Variants in LY75 observed in about 807,000 individuals in gnomAD.
The protein encoded by LY75 is C-type lectin domain family 13 member B.
LY75 carries 185 observed loss-of-function variants against 231.7 expected under a neutral mutation model. The observed-to-expected ratio is 0.80, with a 90% CI of 0.71 to 0.90. The LOEUF (loss-of-function observed/expected upper bound fraction) is 0.90, where lower values mean the gene tolerates loss of function less well. LY75 is among the 40% of genes least tolerant of loss of function. The probability of loss-of-function intolerance (pLI) is 0.00; values close to 1 mark genes in which losing one functional copy is unlikely to be tolerated. For synonymous variants in LY75, 668 were observed against 689.0 expected, an observed-to-expected ratio of 0.97 and a Z score of 0.48; for missense variants, 1,947 against 2,050.2, an observed-to-expected ratio of 0.95 and a Z score of 0.97.
At chr2:159,841,042 A>G in intron 24 of LY75, 87 bp from the exon 25 acceptor site, 1 of 1,540,522 alleles carries the variant, frequency 6.5e-7, no homozygotes, top group Non-Finnish European at 8.7e-7. Context: ...TTCTCCCCAT[A>G]CTAATCTAAT....
intron 2 of LY75, among the ~76,000 whole-genome samples, chr2:159,897,376 A>G (rs761841781): frequency 6.6e-6 from 1 of 152,238 alleles, no homozygotes; most frequent in Non-Finnish European, 1.5e-5. Flanking sequence ...TAAATTTGCC[A>G]TTAAGTCATA....
chr2:159,856,779 T>A (rs1279238145), intron 16 of LY75, among the ~76,000 whole-genome samples: 1 of 152,034 alleles, frequency 6.6e-6, no homozygotes, highest in Non-Finnish European at 1.5e-5. Flanking sequence ...TTCTCTCTTG[T>A]TAAAAAATAT....
chr2:159,859,000 T>C (rs1356610096), intron 15 of LY75, among the ~76,000 whole-genome samples: 1 of 152,190 alleles, frequency 6.6e-6, no homozygotes, highest in East Asian at 1.9e-4. Context: ...TAAGACCAAG[T>C]TTCTGGGGGT....
intron 30 of LY75, among the ~76,000 whole-genome samples, chr2:159,815,792 TACAG>T (rs1560063176): frequency 2.0e-5 from 3 of 152,202 alleles, no homozygotes; most frequent in Admixed American, 6.5e-5. Flanking sequence ...ACTTTAAACT[TACAG>T]ACAGAGTTAC....
rs183744655 is a variant in LY75, at chr2:159,842,020, C to A, written c.3280+225G>T. The stretch of plus-strand genomic sequence containing the variant: ...ATATGATTATAAATTAATATAAATT[C>A]TTTTATAGTATTAAAAAATTTTTTC... On this transcript the variant is annotated intron_variant, in intron 24 of 34. Transcript: ENST00000263636. Among the ~76,000 whole-genome samples, 867 of 151,982 alleles carry A rather than the reference C, an allele frequency of 5.7e-3. 10 individuals carry two copies. Among genetic ancestry groups the A allele is most frequent in the African/African-American group, 0.02 (837 of 41,444 alleles).
At chr2:159,815,243 C>T (rs1052829082) in intron 31 of LY75, among the ~76,000 whole-genome samples, 162 bp downstream of exon 31, 1 of 152,158 alleles carries the variant, frequency 6.6e-6, no homozygotes, top group Non-Finnish European at 1.5e-5. Flanking sequence ...CCTCGTGATC[C>T]GCACGCCTCG....
At chr2:159,887,626 A>C (rs187392927) in intron 4 of LY75, among the ~76,000 whole-genome samples, 1 of 151,982 alleles carries the variant, frequency 6.6e-6, no homozygotes, top group Non-Finnish European at 1.5e-5. Context: ...TTAGAGGTTA[A>C]AACACAGTTT....
rs143729039 is a variant in LY75, at chr2:159,810,526, C to T, written c.4699G>A (p.Asp1567Asn). The change falls in exon 32 of 35, where the codon GAT (aspartate) becomes AAT (asparagine). Residue 1567 changes from aspartate to asparagine, a missense_variant and splice_region_variant. Transcript: ENST00000263636. The stretch of plus-strand genomic sequence containing the variant: ...AGAAAATCAACAAATTTTAACTCAC[C>T]ATGTTTTGAACACAATTTTTTGGCC... ...SEAKKLCSKHDHSATIVSIKD... is the reference protein window; with the variant it reads ...SEAKKLCSKHNHSATIVSIKD... 2.7e-5 allele frequency: 44 copies of T among 1,606,466 alleles called. No homozygotes were observed. The highest frequency in any genetic ancestry group is 6.9e-5 in the Admixed American group (4 of 58,266).
chr2:159,877,019 A>AG (rs1318178057), intron 11 of LY75, among the ~76,000 whole-genome samples: 1 of 141,748 alleles, frequency 7.1e-6, no homozygotes, highest in East Asian at 1.9e-4. Flanking sequence ...CAAAAAAAAA[A>AG]AAAAAAAAAA....
At chr2:159,822,175 G>T (rs892707945) in intron 28 of LY75, among the ~76,000 whole-genome samples, 1 of 152,174 alleles carries the variant, frequency 6.6e-6, no homozygotes, top group African/African-American at 2.4e-5. Context: ...TGGAATGCCG[G>T]TGAGACAGAA....
chr2:159,810,161 G>A (rs898727343), intron 32 of LY75, among the ~76,000 whole-genome samples: 2 of 152,178 alleles, frequency 1.3e-5, no homozygotes, highest in African/African-American at 4.8e-5. Context: ...AGCCTCCCGA[G>A]TAGCTGGGAC....
At chr2:159,850,284 T>A in intron 22 of LY75, 78 bp downstream of exon 22, 3 of 1,552,070 alleles carry the variant, frequency 1.9e-6, no homozygotes, top group Non-Finnish European at 2.6e-6. Flanking sequence ...AATTTTTGTA[T>A]GTTAATTCCC....
At chr2:159,809,096 T>C (rs1454030486) in intron 32 of LY75, among the ~76,000 whole-genome samples, 2 of 152,254 alleles carry the variant, frequency 1.3e-5, no homozygotes, top group Non-Finnish European at 2.9e-5. Flanking sequence ...TAAAACCGAA[T>C]GGTTCCCACA....
chr2:159,843,930 A>T (rs1158944718), intron 23 of LY75, among the ~76,000 whole-genome samples: 1 of 152,204 alleles, frequency 6.6e-6, no homozygotes, highest in Non-Finnish European at 1.5e-5. Flanking sequence ...TGGTACAATT[A>T]TTATGAGTCA....
In LY75 at chr2:159,880,854, A is replaced by G. The variant is rs115649443; in HGVS notation, c.1404+229T>C. Among the ~76,000 whole-genome samples the G allele has an allele frequency of 4.5e-3, 679 of 152,302 alleles. 7 individuals are homozygous for G. The highest frequency in any genetic ancestry group is 0.016 in the African/African-American group (660 of 41,560). ...CCTAGGAGAATCTAATGCTGCTGCC[A>G]ATCTGACAGGAGGCGGAGTTCAGGC... On this transcript the variant is annotated intron_variant, in intron 8 of 34. Transcript: ENST00000263636.
rs1167820046 is a variant in LY75 at position 159,875,447 on chromosome 2, A to C, written c.1971T>G (p.Tyr657Ter). The change falls in exon 12 of 35, where the codon TAT becomes TAG. Residue 657 changes from tyrosine to a stop codon, truncating the protein, a stop_gained. Coordinates refer to ENST00000263636, the MANE Select transcript of LY75 (RefSeq NM_002349.4). LOFTEE classifies it high-confidence loss of function. ...WQSFPASLSCYKVFHAERIVR... is the reference protein window; with the variant it reads ...WQSFPASLSC ...TAGAATGAGAATGTCACTTTACCTT[A>C]TAACAAGAAAGACTTGCGGGGAAAC... is the stretch of plus-strand genomic sequence containing the variant. 5.6e-6 allele frequency: 9 copies of C among 1,612,806 alleles called. No individual in the cohort carries two copies. The highest frequency in any genetic ancestry group is 7.6e-6 in the Non-Finnish European group (9 of 1,179,524).
At position 159,834,201 on chromosome 2, in the gene LY75, T is replaced by C; in HGVS notation, c.3684A>G (p.Glu1228=). 1 of 1,613,720 alleles carries C rather than the reference T, an allele frequency of 6.2e-7. No homozygotes were observed. The change falls in exon 27 of 35, where the codon GAA becomes GAG. Residue 1228 remains glutamate (E), a synonymous_variant. Transcript: ENST00000263636. The part of the protein sequence containing the change: ...AICYYSGNET[E]KEVKPVDSVK... Reference sequence around the variant, plus strand: ...CACTGTCAACTGGTTTGACCTCTTTTTCAGTCTCATCTAGAAAAAGAGTTA... The same window carrying C: ...CACTGTCAACTGGTTTGACCTCTTTCTCAGTCTCATCTAGAAAAAGAGTTA...
intron 26 of LY75, among the ~76,000 whole-genome samples, chr2:159,835,171 A>G (rs923453451): frequency 2.0e-5 from 3 of 152,222 alleles, no homozygotes; most frequent in Non-Finnish European, 4.4e-5. Flanking sequence ...GAATTCTCAC[A>G]AATGTAAGCT....
intron 16 of LY75, among the ~76,000 whole-genome samples, chr2:159,857,239 C>G (rs1357545886): frequency 6.6e-6 from 1 of 152,158 alleles, no homozygotes. Context: ...TTGCTACTAC[C>G]TGATGTCACA....
Sources: gnomAD v4.1 joint callset for allele counts (sites outside exome capture counted in the v4.1 genomes callset) on GRCh38, gnomAD v4.1.1 for gene constraint, MANE v1.5 for transcripts, NCBI Gene and HGNC (gene_info 2026-07-23, HGNC 2026-07-21) for gene names.